SAMD5: variants seen among roughly 807,000 people sequenced by gnomAD.
The protein encoded by SAMD5 is sterile alpha motif domain containing 5.
SAMD5 carries 13 observed loss-of-function variants against 11.3 expected under a neutral mutation model. The ratio of observed to expected loss-of-function variants is 1.15; its 90% CI spans 0.75 to 1.83. The LOEUF is 1.83. Ranked by LOEUF, SAMD5 falls within the 40% of genes most tolerant of loss-of-function variation. The probability of loss-of-function intolerance (pLI) is 0.00; values close to 1 mark genes in which losing one functional copy is unlikely to be tolerated. For synonymous variants in SAMD5, 129 were observed against 111.3 expected (o/e 1.16, Z -1.00); for missense variants, 255 against 239.1 (o/e 1.07, Z -0.44).
rs547760677 is a variant in SAMD5, at chr6:147,647,974, G to A, written c.163-89343G>A. ...TTAAGTAAATTGATCAAGGTTACGT[G>A]ACAGAATTTGAACCCAGGTCTGTAG... On this transcript the variant is annotated intron_variant, in intron 1 of 1. Coordinates refer to the SAMD5 transcript ENST00000566741. 9.3e-4 allele frequency among the ~76,000 whole-genome samples: 141 copies of A among 152,272 alleles called. 1 individual carries two copies. Among genetic ancestry groups the A allele is most frequent in the Non-Finnish European group, 1.4e-3 (98 of 68,030 alleles).
chr6:147,707,260 C>G (rs1007311797), intron 1 of SAMD5, among the ~76,000 whole-genome samples: 2 of 152,170 alleles, frequency 1.3e-5, no homozygotes, highest in African/African-American at 4.8e-5. Context: ...TAATATAGAA[C>G]CAAACTTTCA....
rs149707444 is a variant in SAMD5, at chr6:147,717,182, T to C, written c.163-20135T>C. On this transcript the variant is annotated intron_variant, in intron 1 of 1. Transcript: ENST00000566741. ...TATACAGTACCTAGGCTAAAGTAGATGCTCAACAACTGTTGGTGAATTAAA... is the reference window on the plus strand; with the variant it reads ...TATACAGTACCTAGGCTAAAGTAGACGCTCAACAACTGTTGGTGAATTAAA... Among the ~76,000 whole-genome samples, 388 of 152,338 alleles carry C rather than the reference T, an allele frequency of 2.5e-3. 2 individuals carry two copies. Among genetic ancestry groups the C allele is most frequent in the African/African-American group, 8.7e-3 (360 of 41,580 alleles).
the SAMD5 span, among the ~76,000 whole-genome samples, chr6:147,923,573 G>A: frequency 5.3e-5 from 8 of 152,152 alleles, no homozygotes; most frequent in Non-Finnish European, 1.2e-4. Flanking sequence ...GTAAATTAAG[G>A]CAGATGTTAA....
chr6:147,564,307 T>G (rs1789000543), intron 1 of SAMD5, 87 bp from the exon 2 acceptor site: 1 of 748,208 alleles, frequency 1.3e-6, no homozygotes, highest in Admixed American at 1.8e-5. Context: ...AAGAATGACT[T>G]AAAAATAGGA....
the SAMD5 span, among the ~76,000 whole-genome samples, chr6:147,752,701 T>G: frequency 3.9e-5 from 6 of 152,290 alleles, no homozygotes; most frequent in South Asian, 1.2e-3. Flanking sequence ...ATTTACATAT[T>G]CTGGAACTGA....
chr6:147,665,284 A>G (rs1790702233), intron 1 of SAMD5, among the ~76,000 whole-genome samples: 1 of 152,206 alleles, frequency 6.6e-6, no homozygotes, highest in African/African-American at 2.4e-5. Context: ...CCTACGAGGT[A>G]TCCTATCAAT....
At chr6:147,942,783 A>G in the SAMD5 span, among the ~76,000 whole-genome samples, 116,276 of 150,676 alleles carry the variant, frequency 0.77, 45,424 homozygotes, top group Non-Finnish European at 0.84. Flanking sequence ...ATAGCACAAC[A>G]GGAAAAATGT....
intron 1 of SAMD5, among the ~76,000 whole-genome samples, chr6:147,601,727 G>A (rs1480627945): frequency 1.3e-5 from 2 of 152,198 alleles, no homozygotes; most frequent in African/African-American, 2.4e-5. Flanking sequence ...TTTGTCTCAT[G>A]TTACTGTTCT....
At chr6:147,847,889 T>C in the SAMD5 span, among the ~76,000 whole-genome samples, 1 of 151,954 alleles carries the variant, frequency 6.6e-6, no homozygotes, top group Admixed American at 6.6e-5. Context: ...ACAAAGAATA[T>C]TACCTGGGCA....
At chr6:147,789,283 ACACACACACACAC>A in the SAMD5 span, among the ~76,000 whole-genome samples, 2 of 84,836 alleles carry the variant, frequency 2.4e-5, no homozygotes, top group African/African-American at 1.7e-4. Flanking sequence ...AGAAAAACAC[ACACACACACACAC>A]ACACACACAC....
chr6:147,519,677 C>A (rs1562311207), intron 1 of SAMD5, among the ~76,000 whole-genome samples: 1 of 152,180 alleles, frequency 6.6e-6, no homozygotes, highest in African/African-American at 2.4e-5. Context: ...GGCAGCTTTA[C>A]AAACTTACTC....
the SAMD5 span, among the ~76,000 whole-genome samples, chr6:147,763,630 G>A: frequency 6.6e-6 from 1 of 151,968 alleles, no homozygotes; most frequent in African/African-American, 2.4e-5. Context: ...GCCCAGGCTG[G>A]AGTGCAGTGG....
chr6:147,642,032 T>C (rs1790320009), intron 1 of SAMD5, among the ~76,000 whole-genome samples: 1 of 152,210 alleles, frequency 6.6e-6, no homozygotes, highest in Non-Finnish European at 1.5e-5. Flanking sequence ...GATCCAGAAG[T>C]AATGAATTAT....
At chr6:147,653,019 G>A (rs1190782057) in intron 1 of SAMD5, among the ~76,000 whole-genome samples, 1 of 151,962 alleles carries the variant, frequency 6.6e-6, no homozygotes, top group African/African-American at 2.4e-5. Flanking sequence ...TCCCACTTAA[G>A]TACATACTCT....
chr6:147,733,503 C>T (rs1227091730), intron 1 of SAMD5, among the ~76,000 whole-genome samples: 2 of 151,952 alleles, frequency 1.3e-5, no homozygotes, highest in Admixed American at 1.3e-4. Context: ...TCACTTCAGG[C>T]CTTTCTCACA....
chr6:147,654,732 T>C (rs1790540342), intron 1 of SAMD5, among the ~76,000 whole-genome samples: 1 of 151,994 alleles, frequency 6.6e-6, no homozygotes, highest in Non-Finnish European at 1.5e-5. Context: ...TCAACAGCTT[T>C]TCTATTAGAA....
At chr6:147,782,572 T>A in the SAMD5 span, among the ~76,000 whole-genome samples, 1 of 152,214 alleles carries the variant, frequency 6.6e-6, no homozygotes, top group Non-Finnish European at 1.5e-5. Flanking sequence ...ATTATTCTCC[T>A]GCAGTCAGCA....
At chr6:147,943,179 A>G in the SAMD5 span, among the ~76,000 whole-genome samples, 1 of 152,148 alleles carries the variant, frequency 6.6e-6, no homozygotes, top group South Asian at 2.1e-4. Context: ...CCCATGTTTT[A>G]TAGACAGATC....
At chr6:147,672,906 A>C (rs1192741784) in intron 1 of SAMD5, among the ~76,000 whole-genome samples, 2 of 152,170 alleles carry the variant, frequency 1.3e-5, no homozygotes, top group Admixed American at 1.3e-4. Context: ...ACATTGTTGT[A>C]ACTGTTTAAC....
Sources: gnomAD v4.1 joint callset for allele counts (sites outside exome capture counted in the v4.1 genomes callset) on GRCh38, gnomAD v4.1.1 for gene constraint, MANE v1.5 for transcripts, NCBI Gene and HGNC (gene_info 2026-07-23, HGNC 2026-07-21) for gene names.